Variants in HS3ST5 observed in about 807,000 individuals in gnomAD.
HS3ST5 encodes heparan sulfate glucosamine 3-O-sulfotransferase 5.
A neutral mutation model predicts 25.4 loss-of-function variants in HS3ST5; 10 were observed. The observed-to-expected ratio is 0.39, with a 90% CI of 0.24 to 0.67. The LOEUF (loss-of-function observed/expected upper bound fraction) is 0.67, where lower values mean the gene tolerates loss of function less well. Ranked by LOEUF, HS3ST5 falls within the 30% of genes least tolerant of loss-of-function variation. The pLI is 0.44. For synonymous variants in HS3ST5, 170 were observed against 162.4 expected (o/e 1.05, Z -0.36); for missense variants, 324 against 420.7 (o/e 0.77, Z 2.01).
chr6:114,252,436 A>G (rs1772706415), intron 1 of HS3ST5, among the ~76,000 whole-genome samples: 1 of 152,214 alleles, frequency 6.6e-6, no homozygotes, highest in Non-Finnish European at 1.5e-5. Flanking sequence ...CACAGGAATA[A>G]AAGCAGGATT....
intron 2 of HS3ST5, among the ~76,000 whole-genome samples, chr6:114,185,741 CTTT>C (rs780172108): frequency 3.7e-5 from 5 of 133,562 alleles, no homozygotes; most frequent in Admixed American, 2.2e-4. Flanking sequence ...TTCTTTCTTT[CTTT>C]TTTTTTTTTT....
rs540729569 is a variant in HS3ST5 at position 114,191,678 on chromosome 6, G to A, written c.-144-23216C>T. ...ATATCATCGGTGCCTTGCAGTGTCCGAAGCTGGGGCTTGACAGTTACTCTG... is the reference window on the plus strand; with the variant it reads ...ATATCATCGGTGCCTTGCAGTGTCCAAAGCTGGGGCTTGACAGTTACTCTG... On this transcript the variant is annotated intron_variant, in intron 2 of 4. Coordinates refer to ENST00000312719, the MANE Select transcript of HS3ST5 (RefSeq NM_153612.4). 1.5e-4 allele frequency among the ~76,000 whole-genome samples: 23 copies of A among 152,242 alleles called. No homozygotes were observed. In the South Asian group the frequency reaches 3.9e-3, roughly 26 times the overall value.
rs550184215 is a variant in HS3ST5 at position 114,313,726 on chromosome 6, T to C, written c.-339+28469A>G. 6.0e-4 allele frequency among the ~76,000 whole-genome samples: 92 copies of C among 152,328 alleles called. 1 individual carries two copies. In the South Asian group the frequency reaches 0.019, roughly 31 times the overall value. The stretch of plus-strand genomic sequence containing the variant: ...AAAAAAATGTTCAATATCTTGATTG[T>C]GGTGGCTGTTAAATGAGTACATAGA... On this transcript the variant is annotated intron_variant, in intron 1 of 4. Transcript: ENST00000312719.
intron 3 of HS3ST5, among the ~76,000 whole-genome samples, chr6:114,134,266 G>A (rs1777486633): frequency 6.6e-6 from 1 of 152,166 alleles, no homozygotes; most frequent in East Asian, 1.9e-4. Flanking sequence ...CCCATGAGGA[G>A]CGTATGATTA....
At chr6:114,283,104 A>G (rs1337403541) in intron 1 of HS3ST5, among the ~76,000 whole-genome samples, 2 of 152,010 alleles carry the variant, frequency 1.3e-5, no homozygotes, top group East Asian at 3.9e-4. Context: ...AGGAAAAAAT[A>G]AAAGAATACC....
In HS3ST5 at chr6:114,057,030, T is replaced by G; in HGVS notation, c.*227A>C. On this transcript the variant is annotated 3_prime_UTR_variant, in exon 5 of 5. Transcript: ENST00000312719. Reference sequence around the variant, plus strand: ...CCCCCAATACCACCACCTCTTCTCTTTTGTAAATAGCTTAAAAGATGCGAC... The same window carrying G: ...CCCCCAATACCACCACCTCTTCTCTGTTGTAAATAGCTTAAAAGATGCGAC... 1 of 423,578 alleles carries G rather than the reference T, an allele frequency of 2.4e-6. No individual in the cohort carries two copies. The highest frequency in any genetic ancestry group is 4.2e-6 in the Non-Finnish European group (1 of 240,004). The allele number at this position is 423,578 out of a possible 1,614,324, so 26.2% of individuals were successfully genotyped here. A position where few individuals can be genotyped will look rare whatever the true frequency, so the allele number is the denominator to read the frequency against.
At chr6:114,335,442 G>A (rs1395726104) in intron 1 of HS3ST5, among the ~76,000 whole-genome samples, 1 of 152,062 alleles carries the variant, frequency 6.6e-6, no homozygotes, top group African/African-American at 2.4e-5. Flanking sequence ...ATATAAAGAT[G>A]TCAGAAGAAA....
chr6:114,084,619 G>A (rs1774685159), intron 3 of HS3ST5: 2 of 796,942 alleles, frequency 2.5e-6, no homozygotes, highest in African/African-American at 1.7e-5. Context: ...ACAGAGCAAT[G>A]CTAGGTAGGT....
chr6:114,219,409 A>G (rs1196014346), intron 2 of HS3ST5, among the ~76,000 whole-genome samples: 1 of 152,206 alleles, frequency 6.6e-6, no homozygotes, highest in Non-Finnish European at 1.5e-5. Context: ...TTAAAAATGA[A>G]AAATAAAGTT....
intron 3 of HS3ST5, among the ~76,000 whole-genome samples, chr6:114,075,921 G>A (rs1016286750): frequency 1.3e-5 from 2 of 152,086 alleles, no homozygotes; most frequent in Admixed American, 1.3e-4. Flanking sequence ...TCAAGAACGT[G>A]GTAGCTCTCC....
intron 3 of HS3ST5, among the ~76,000 whole-genome samples, chr6:114,163,958 A>G (rs191993749): frequency 2.6e-5 from 4 of 152,248 alleles, no homozygotes; most frequent in Admixed American, 2.6e-4. Flanking sequence ...GTATAAGAAG[A>G]CAACAAAATC....
chr6:114,275,211 CAG>C (rs577974856), intron 1 of HS3ST5, among the ~76,000 whole-genome samples: 45 of 152,088 alleles, frequency 3.0e-4, no homozygotes, highest in African/African-American at 1.0e-3. Context: ...GAGAATGTGT[CAG>C]AGTCATCTTC....
intron 1 of HS3ST5, among the ~76,000 whole-genome samples, chr6:114,310,200 T>C (rs954910335): frequency 6.6e-6 from 1 of 152,224 alleles, no homozygotes; most frequent in African/African-American, 2.4e-5. Flanking sequence ...TCAAATGTTA[T>C]AGTCCCGAGT....
At chr6:114,111,291 A>G (rs1354563784) in intron 3 of HS3ST5, among the ~76,000 whole-genome samples, 1 of 152,240 alleles carries the variant, frequency 6.6e-6, no homozygotes, top group Admixed American at 6.5e-5. Flanking sequence ...GAGATGGCAC[A>G]TATTTGTATT....
At chr6:114,274,310 G>A (rs1451652225) in intron 1 of HS3ST5, among the ~76,000 whole-genome samples, 1 of 152,048 alleles carries the variant, frequency 6.6e-6, no homozygotes, top group African/African-American at 2.4e-5. Context: ...AGAGGCTGAT[G>A]ACGGACTCAG....
chr6:114,107,063 A>G (rs1356723887), intron 3 of HS3ST5, among the ~76,000 whole-genome samples: 1 of 152,164 alleles, frequency 6.6e-6, no homozygotes, highest in Non-Finnish European at 1.5e-5. Flanking sequence ...CCAAAGCTCA[A>G]ATTACTTACT....
chr6:114,187,928 C>T (rs951065910), intron 2 of HS3ST5, among the ~76,000 whole-genome samples: 1 of 152,174 alleles, frequency 6.6e-6, no homozygotes, highest in Non-Finnish European at 1.5e-5. Context: ...TTAGGACTCA[C>T]TGAAGGTGCA....
At chr6:114,134,018 G>A (rs1227548637) in intron 3 of HS3ST5, among the ~76,000 whole-genome samples, 1 of 152,110 alleles carries the variant, frequency 6.6e-6, no homozygotes, top group African/African-American at 2.4e-5. Flanking sequence ...GAGCGGTAGT[G>A]GGAGGCGGTG....
intron 2 of HS3ST5, among the ~76,000 whole-genome samples, chr6:114,183,815 T>C (rs1010175405): frequency 3.3e-5 from 5 of 152,122 alleles, no homozygotes; most frequent in African/African-American, 1.2e-4. Flanking sequence ...CAGATAATCA[T>C]GTACAGAGTG....
Sources: allele counts gnomAD v4.1 joint callset (sites outside exome capture counted in the v4.1 genomes callset), GRCh38; gene constraint gnomAD v4.1.1; transcripts MANE v1.5; gene names NCBI Gene and HGNC (gene_info 2026-07-23, HGNC 2026-07-21).